Variants in TOMM70 observed in about 807,000 individuals in gnomAD.
TOMM70 encodes translocase of outer mitochondrial membrane 70, also known as mitochondrial import receptor subunit TOM70.
Under a neutral mutation model 73.6 loss-of-function variants are expected in TOMM70, and 13 were observed. The ratio of observed to expected loss-of-function variants is 0.18; its 90% CI spans 0.11 to 0.28. The LOEUF (loss-of-function observed/expected upper bound fraction) is 0.28, where lower values mean the gene tolerates loss of function less well. Among genes scored for constraint, TOMM70 ranks in the 10% least tolerant of loss-of-function variants. The pLI, the probability that TOMM70 is intolerant of heterozygous loss-of-function variation, is 1.00. For missense variants in TOMM70, 609 were observed against 747.5 expected (o/e 0.81, Z 2.16); for synonymous variants, 257 against 271.2 (o/e 0.95, Z 0.51).
At chr3:100,388,881 A>G (rs1706728977) in intron 1 of TOMM70, among the ~76,000 whole-genome samples, 1 of 152,208 alleles carries the variant, frequency 6.6e-6, no homozygotes, top group Non-Finnish European at 1.5e-5. Context: ...TGAGGAGCAA[A>G]TTAACAAGTA....
In TOMM70 at chr3:100,365,453, A is replaced by G. The variant is rs1017486209; in HGVS notation, c.*111T>C. ...AGATGTAACAAATAACAACACCACA[A>G]ACAGAAATACTGATTTCCACCATTC... On this transcript the variant is annotated 3_prime_UTR_variant, in exon 12 of 12. Transcript: ENST00000284320. The G allele has an allele frequency of 1.2e-5, 17 of 1,458,152 alleles. No individual in the cohort carries two copies. The African/African-American group carries it at 2.4e-4, about 21-fold the overall frequency. The allele number at this position is 1,458,152 out of a possible 1,614,324, so 90.3% of individuals were successfully genotyped here. A position where few individuals can be genotyped will look rare whatever the true frequency, so the allele number is the denominator to read the frequency against.
intron 4 of TOMM70, among the ~76,000 whole-genome samples, chr3:100,383,289 AG>A (rs1171262295): frequency 6.6e-6 from 1 of 152,132 alleles, no homozygotes; most frequent in Non-Finnish European, 1.5e-5. Context: ...TGGGAGGCTG[AG>A]GAAGTTGGAC....
Position 100,400,939 on chromosome 3 carries a change from G to C in TOMM70, c.11C>G (p.Ser4Cys). ...GACCACCGCTGCCTCCACAGGTTTA[G>C]AGGCGGCCATGACAAGTGTCCTCTG... MAA[S>C]KPVEAAVVAA... The change falls in exon 1 of 12, where the codon TCT becomes TGT. Residue 4 changes from serine (S) to cysteine (C), a missense_variant. Coordinates refer to ENST00000284320, the MANE Select transcript of TOMM70 (RefSeq NM_014820.5). The C allele has an allele frequency of 6.5e-7, 1 of 1,530,998 alleles. No homozygotes were observed. Among genetic ancestry groups the C allele is most frequent in the South Asian group, 1.2e-5 (1 of 83,910 alleles). The allele number at this position is 1,530,998 out of a possible 1,614,324, so 94.8% of individuals were successfully genotyped here.
chr3:100,398,119 G>A (rs1213227797), intron 1 of TOMM70, among the ~76,000 whole-genome samples: 3 of 151,914 alleles, frequency 2.0e-5, no homozygotes, highest in Non-Finnish European at 4.4e-5. Flanking sequence ...GAGGTGGCTC[G>A]TGCCTGTAAT....
intron 9 of TOMM70, among the ~76,000 whole-genome samples, chr3:100,369,537 G>A (rs1404477752): frequency 7.2e-6 from 1 of 138,204 alleles, no homozygotes; most frequent in Admixed American, 7.6e-5. Context: ...TTTCATTCTT[G>A]TCACCCAGGC....
intron 4 of TOMM70, among the ~76,000 whole-genome samples, chr3:100,383,108 G>A (rs1706651077): frequency 6.6e-6 from 1 of 152,044 alleles, no homozygotes; most frequent in Admixed American, 6.6e-5. Context: ...TCCACACTAT[G>A]TACAAGGAAA....
At chr3:100,393,607 T>G (rs1216572236) in intron 1 of TOMM70, among the ~76,000 whole-genome samples, 1 of 152,088 alleles carries the variant, frequency 6.6e-6, no homozygotes, top group African/African-American at 2.4e-5. Flanking sequence ...AAATAAAAAA[T>G]AATAAATATA....
intron 9 of TOMM70, among the ~76,000 whole-genome samples, chr3:100,371,711 C>T (rs1258456617): frequency 2.0e-5 from 3 of 152,108 alleles, no homozygotes; most frequent in Admixed American, 1.3e-4. Flanking sequence ...CTTTTGGCAC[C>T]ACGGATTGGT....
Position 100,400,913 on chromosome 3 carries a change from C to A in TOMM70, c.37G>T (p.Ala13Ser). Residue 13 changes from alanine to serine, a missense_variant, in exon 1 of 12, where the codon GCA (alanine) becomes TCA (serine). Coordinates refer to ENST00000284320, the MANE Select transcript of TOMM70 (RefSeq NM_014820.5). ...CTCCCGGAGCTCGGTACAGCGGCTG[C>A]GACCACCGCTGCCTCCACAGGTTTA... is the stretch of plus-strand genomic sequence containing the variant. ...ASKPVEAAVV[A>S]AAVPSSGSGV... 6.5e-7 allele frequency: 1 copy of A among 1,531,908 alleles called. No homozygotes were observed. The allele number at this position is 1,531,908 out of a possible 1,614,324, so 94.9% of individuals were successfully genotyped here.
Position 100,364,533 on chromosome 3 carries a change from CA to C in TOMM70, c.*1030del. On this transcript the variant is annotated 3_prime_UTR_variant, in exon 12 of 12. Coordinates refer to ENST00000284320, the MANE Select transcript of TOMM70 (RefSeq NM_014820.5). Reference sequence around the variant, plus strand: ...TTGGGTTTTACATACAAGCAATCTGCACTTTGATTTTAAAAAAGTTCTAAAA... The same window carrying C: ...TTGGGTTTTACATACAAGCAATCTGCCTTTGATTTTAAAAAAGTTCTAAAA... The C allele has an allele frequency of 6.6e-6, 1 of 152,198 alleles. No individual in the cohort carries two copies. Among genetic ancestry groups the C allele is most frequent in the East Asian group, 1.9e-4 (1 of 5,182 alleles). The allele number at this position is 152,198 out of a possible 1,614,324, so 9.4% of individuals were successfully genotyped here.
intron 9 of TOMM70, among the ~76,000 whole-genome samples, chr3:100,370,011 TAAG>T (rs1484131671): frequency 1.3e-5 from 2 of 152,238 alleles, no homozygotes; most frequent in African/African-American, 4.8e-5. Context: ...AGATGACTTT[TAAG>T]AAGTATGTGA....
chr3:100,373,630 C>A lies in TOMM70; in HGVS notation c.1243G>T (p.Asp415Tyr). 1 of 1,612,274 alleles carries A rather than the reference C, an allele frequency of 6.2e-7. No homozygotes were observed. Among genetic ancestry groups the A allele is most frequent in the South Asian group, 1.1e-5 (1 of 90,750 alleles). ...HHRGQLKILL[D>Y]QVEEAVADFD... Reference sequence around the variant, plus strand: ...TCTGCCACTGCTTCTTCAACTTGATCAAGGAGTATTTTCAGCTAAGAAAAA... The same window carrying A: ...TCTGCCACTGCTTCTTCAACTTGATAAAGGAGTATTTTCAGCTAAGAAAAA... The change falls in exon 8 of 12, where the codon GAT becomes TAT. Residue 415 changes from aspartate (D) to tyrosine (Y), a missense_variant. Physicochemically the swap from Asp to Tyr is radical, Grantham distance 160. Transcript: ENST00000284320.
intron 6 of TOMM70, among the ~76,000 whole-genome samples, chr3:100,376,579 G>A (rs1246973908): frequency 2.0e-5 from 3 of 148,560 alleles, no homozygotes; most frequent in East Asian, 2.0e-4. Context: ...GTCTGATCAC[G>A]TCCAATCTAT....
At chr3:100,370,567 T>C (rs972207045) in intron 9 of TOMM70, among the ~76,000 whole-genome samples, 12 of 152,198 alleles carry the variant, frequency 7.9e-5, no homozygotes, top group African/African-American at 2.9e-4. Context: ...GATATCAGAC[T>C]ATGCTCAAGC....
At chr3:100,376,692 T>C (rs1024627135) in intron 6 of TOMM70, among the ~76,000 whole-genome samples, 1 of 152,212 alleles carries the variant, frequency 6.6e-6, no homozygotes, top group African/African-American at 2.4e-5. Flanking sequence ...AACAGTTTTA[T>C]AGTTTTAGCT....
intron 6 of TOMM70, among the ~76,000 whole-genome samples, chr3:100,376,369 G>GTTTTTTGTTTTTTTT (rs1553737780): frequency 1.6e-5 from 2 of 121,776 alleles, no homozygotes; most frequent in African/African-American, 7.4e-5. Context: ...TCACACAGAA[G>GTTTTTTGTTTTTTTT]TTTTTTTTTT....
At position 100,397,301 on chromosome 3, in the gene TOMM70, C is replaced by A. The variant is rs1209003053; in HGVS notation, c.324+3325G>T. Among the ~76,000 whole-genome samples, 51 of 152,144 alleles carry A rather than the reference C, an allele frequency of 3.4e-4. 2 individuals are homozygous for A. Among genetic ancestry groups the A allele is most frequent in the Admixed American group, 3.3e-3 (51 of 15,278 alleles). On this transcript the variant is annotated intron_variant, in intron 1 of 11. Coordinates refer to ENST00000284320, the MANE Select transcript of TOMM70 (RefSeq NM_014820.5). ...TCTAATAATAACTCTAAGGACCAGA[C>A]TATTAAAAGAAGACAAAAGTAGTCT...
At position 100,400,871 on chromosome 3, in the gene TOMM70, C is replaced by T. The variant is rs1257657990; in HGVS notation, c.79G>A (p.Gly27Arg). ...PSSGSGVGGG[G>R]TAGPGTGGLP... ...CCCCCCGTGCCCGGGCCCGCAGTCC[C>T]GCCGCCGCCCACCCCACTCCCGGAG... Residue 27 changes from glycine to arginine, a missense_variant, in exon 1 of 12, where the codon GGG becomes AGG. Gly to Arg is a moderately radical substitution (Grantham distance 125). Around this residue, in one of 2 missense-constraint regions of TOMM70, gnomAD observed 177 missense variants for 163.5 expected, o/e 1.08. Transcript: ENST00000284320. 6 of 1,527,524 alleles carry T rather than the reference C, an allele frequency of 3.9e-6. No individual in the cohort carries two copies. Among genetic ancestry groups the T allele is most frequent in the Non-Finnish European group, 5.2e-6 (6 of 1,144,204 alleles). 94.6% of individuals were successfully genotyped at this position (1,527,524 alleles called of 1,614,324 possible). A position where few individuals can be genotyped will look rare whatever the true frequency, so the allele number is the denominator to read the frequency against.
At chr3:100,370,925 T>A (rs1706503050) in intron 9 of TOMM70, among the ~76,000 whole-genome samples, 1 of 152,184 alleles carries the variant, frequency 6.6e-6, no homozygotes, top group Non-Finnish European at 1.5e-5. Flanking sequence ...TCTAGATGCT[T>A]AGAGAAATCT....
Sources: allele counts gnomAD v4.1 joint callset (sites outside exome capture counted in the v4.1 genomes callset), GRCh38; gene constraint gnomAD v4.1.1; regional missense constraint gnomAD v4.1.1; transcripts MANE v1.5; gene names NCBI Gene and HGNC (gene_info 2026-07-23, HGNC 2026-07-21).